Variants in MAP2K4 observed in about 807,000 individuals in gnomAD.
MAP2K4 encodes mitogen-activated protein kinase kinase 4, also known as dual specificity mitogen-activated protein kinase kinase 4.
In MAP2K4, 4 loss-of-function variants were observed where a neutral mutation model predicts 48.5. The ratio of observed to expected loss-of-function variants is 0.08; its 90% CI spans 0.04 to 0.19. The LOEUF (loss-of-function observed/expected upper bound fraction) is 0.19, where lower values mean the gene tolerates loss of function less well. MAP2K4 is among the 10% of genes least tolerant of loss of function. MAP2K4 has a pLI of 1.00. For missense variants in MAP2K4, 258 were observed against 493.3 expected (o/e 0.52, Z 4.52); for synonymous variants, 166 against 173.1 (o/e 0.96, Z 0.32).
At chr17:12,107,335 C>T (rs28923212) in intron 4 of MAP2K4, among the ~76,000 whole-genome samples, 19 of 148,894 alleles carry the variant, frequency 1.3e-4, no homozygotes, top group African/African-American at 3.5e-4. Context: ...GGCATTTGTA[C>T]GGGGTCTTGA....
At chr17:12,112,922 GTTTT>G (rs1170747715) in intron 6 of MAP2K4, 1 of 172,850 alleles carries the variant, frequency 5.8e-6, no homozygotes, top group Non-Finnish European at 1.2e-5. Flanking sequence ...GAAAACCATT[GTTTT>G]TTCTGTGTTT....
chr17:12,030,006 A>C (rs1332884567), intron 1 of MAP2K4, among the ~76,000 whole-genome samples: 1 of 152,114 alleles, frequency 6.6e-6, no homozygotes, highest in African/African-American at 2.4e-5. Flanking sequence ...CATTTTGTAA[A>C]GTTGAGGATA....
At chr17:12,063,015 G>A (rs553098155) in intron 2 of MAP2K4, among the ~76,000 whole-genome samples, 6 of 151,910 alleles carry the variant, frequency 3.9e-5, no homozygotes, top group African/African-American at 1.4e-4. Flanking sequence ...TTCTAGGAAA[G>A]ACAATTTATT....
chr17:12,087,953 T>C (rs934044764), intron 3 of MAP2K4, among the ~76,000 whole-genome samples: 5 of 152,136 alleles, frequency 3.3e-5, no homozygotes, highest in African/African-American at 7.2e-5. Flanking sequence ...TAGAAGACTC[T>C]AGCTGATAAG....
chr17:12,088,578 A>G (rs1340979544), intron 3 of MAP2K4, among the ~76,000 whole-genome samples: 1 of 140,398 alleles, frequency 7.1e-6, no homozygotes, highest in Non-Finnish European at 1.5e-5. Flanking sequence ...AATATATAAT[A>G]TATAATATAT....
chr17:12,040,527 C>A (rs1018553734), intron 1 of MAP2K4, among the ~76,000 whole-genome samples: 4 of 152,160 alleles, frequency 2.6e-5, no homozygotes, highest in Admixed American at 6.5e-5. Flanking sequence ...AAAGCCACGT[C>A]AAGTAATAAG....
At chr17:12,101,709 A>G (rs573887079) in intron 4 of MAP2K4, among the ~76,000 whole-genome samples, 2 of 152,168 alleles carry the variant, frequency 1.3e-5, no homozygotes, top group East Asian at 1.9e-4. Flanking sequence ...TTTCTCAGCA[A>G]TATTTTATAG....
rs896882494 is a variant in MAP2K4 at position 12,021,734 on chromosome 17, G to GAAAA, written c.115+751_115+754dup. Among the ~76,000 whole-genome samples, 121 of 97,992 alleles carry GAAAA rather than the reference G, an allele frequency of 1.2e-3. 4 individuals are homozygous for GAAAA. Among genetic ancestry groups the GAAAA allele is most frequent in the Middle Eastern group, 6.4e-3 (1 of 156 alleles). The allele number at this position is 97,992 out of a possible 152,430, so 64.3% of individuals were successfully genotyped here. The stretch of plus-strand genomic sequence containing the variant: ...TCTGTGTTAGCATTGCGTGCAGGAA[G>GAAAA]AAAAAAAAAAAAAAAAAAAAAGAAG... On this transcript the variant is annotated intron_variant, in intron 1 of 10. Coordinates refer to ENST00000353533, the MANE Select transcript of MAP2K4 (RefSeq NM_003010.4).
chr17:12,128,287 C>G (rs189634655), intron 8 of MAP2K4, among the ~76,000 whole-genome samples: 101 of 152,278 alleles, frequency 6.6e-4, no homozygotes, highest in Non-Finnish European at 1.1e-3. Context: ...CCGTGTTAGA[C>G]AGGATGGTGT....
At chr17:12,121,574 C>CA (rs10569548) in intron 7 of MAP2K4, among the ~76,000 whole-genome samples, 28,727 of 101,222 alleles carry the variant, frequency 0.28, 3,906 homozygotes, top group South Asian at 0.34. Flanking sequence ...GACTCCGTCT[C>CA]AAAAAAAAAA....
chr17:12,107,349 A>G lies in MAP2K4; in HGVS notation c.514-441A>G, dbSNP rs904159984. Among the ~76,000 whole-genome samples the G allele has an allele frequency of 2.7e-5, 4 of 145,576 alleles. No individual in the cohort carries two copies. In the East Asian group the frequency reaches 8.0e-4, roughly 29 times the overall value. Reference sequence around the variant, plus strand: ...TGGCATTTGTACGGGGTCTTGAGGCATGGGATTTACTTTATGTATTTTTGT... The same window carrying G: ...TGGCATTTGTACGGGGTCTTGAGGCGTGGGATTTACTTTATGTATTTTTGT... On this transcript the variant is annotated intron_variant, in intron 4 of 10. Coordinates refer to ENST00000353533, the MANE Select transcript of MAP2K4 (RefSeq NM_003010.4).
At chr17:12,069,300 G>A (rs1420691628) in intron 2 of MAP2K4, among the ~76,000 whole-genome samples, 4 of 152,168 alleles carry the variant, frequency 2.6e-5, no homozygotes, top group African/African-American at 4.8e-5. Context: ...GTAACCTATA[G>A]ATTTAGGGCA....
At chr17:12,023,218 G>A (rs910278596) in intron 1 of MAP2K4, among the ~76,000 whole-genome samples, 6 of 152,166 alleles carry the variant, frequency 3.9e-5, no homozygotes, top group Non-Finnish European at 8.8e-5. Flanking sequence ...TTCTCAGGAT[G>A]TTGTCTAGAA....
Position 12,110,542 on chromosome 17 carries a change from T to G in MAP2K4, c.685+116T>G, listed in dbSNP as rs1156487626. 6 of 753,418 alleles carry G rather than the reference T, an allele frequency of 8.0e-6. No homozygotes were observed. The East Asian group carries it at 1.6e-4, about 20-fold the overall frequency. The allele number at this position is 753,418 out of a possible 1,614,324, so 46.7% of individuals were successfully genotyped here. A position where few individuals can be genotyped will look rare whatever the true frequency, so the allele number is the denominator to read the frequency against. On this transcript the variant is annotated intron_variant, in intron 6 of 10. Coordinates refer to ENST00000353533, the MANE Select transcript of MAP2K4 (RefSeq NM_003010.4). ...AAACTTTCCTAAAATATTTGTATTT[T>G]TAGCAAAAAATGCTTTATGTACTTT...
chr17:12,101,005 G>T (rs144575482), intron 4 of MAP2K4, among the ~76,000 whole-genome samples: 1 of 151,946 alleles, frequency 6.6e-6, no homozygotes, highest in Non-Finnish European at 1.5e-5. Flanking sequence ...TCCTGTCTGC[G>T]CTTATCTTTA....
chr17:12,126,696 G>GCT (rs1567672982), intron 8 of MAP2K4, among the ~76,000 whole-genome samples: 1 of 152,126 alleles, frequency 6.6e-6, no homozygotes, highest in Non-Finnish European at 1.5e-5. Flanking sequence ...ATATGGATTT[G>GCT]CTGGGGGGTG....
In MAP2K4 at chr17:12,020,951, G is replaced by T; in HGVS notation, c.65G>T (p.Gly22Val). The T allele has an allele frequency of 1.7e-6, 2 of 1,210,290 alleles. No individual in the cohort carries two copies. Among genetic ancestry groups the T allele is most frequent in the Non-Finnish European group, 2.1e-6 (2 of 974,826 alleles). The allele number at this position is 1,210,290 out of a possible 1,614,324, so 75.0% of individuals were successfully genotyped here. A position where few individuals can be genotyped will look rare whatever the true frequency, so the allele number is the denominator to read the frequency against. ...GGCGGCAGCGGCAGCGGCACCCCCG[G>T]CCCCGTAGGGTCCCCGGCGCCAGGC... ...SGGGSGSGTP[G>V]PVGSPAPGHP... The change falls in exon 1 of 11, where the codon GGC (glycine) becomes GTC (valine). Residue 22 changes from glycine (G) to valine (V), a missense_variant. This residue lies in a region of MAP2K4 where 69 missense variants were observed against 56.2 expected (regional missense o/e 1.23). Coordinates refer to ENST00000353533, the MANE Select transcript of MAP2K4 (RefSeq NM_003010.4).
At chr17:12,088,887 T>C (rs1971470449) in intron 3 of MAP2K4, among the ~76,000 whole-genome samples, 1 of 150,856 alleles carries the variant, frequency 6.6e-6, no homozygotes, top group Non-Finnish European at 1.5e-5. Context: ...AATTGGCAAT[T>C]ACTTGAAATA....
intron 2 of MAP2K4, among the ~76,000 whole-genome samples, chr17:12,064,947 C>T (rs577706613): frequency 7.2e-5 from 11 of 152,156 alleles, no homozygotes; most frequent in Non-Finnish European, 1.3e-4. Flanking sequence ...GCAGAAGAAG[C>T]GAGACACAAA....
Sources: allele counts gnomAD v4.1 joint callset (sites outside exome capture counted in the v4.1 genomes callset), GRCh38; gene constraint gnomAD v4.1.1; regional missense constraint gnomAD v4.1.1; transcripts MANE v1.5; gene names NCBI Gene and HGNC (gene_info 2026-07-23, HGNC 2026-07-21).